Variants in AMPH observed in about 807,000 individuals in gnomAD.
The protein encoded by AMPH is amphiphysin (Stiff-Mann syndrome with breast cancer 128kD autoantigen).
A neutral mutation model predicts 99.1 loss-of-function variants in AMPH; 49 were observed. The observed-to-expected ratio is 0.49, with a 90% CI of 0.39 to 0.63. The LOEUF (loss-of-function observed/expected upper bound fraction) is 0.63. Among genes scored for constraint, AMPH ranks in the 20% least tolerant of loss-of-function variants. AMPH has a pLI of 0.00. For missense variants in AMPH, 759 were observed against 863.4 expected, an observed-to-expected ratio of 0.88 and a Z score of 1.52; for synonymous variants, 314 against 317.3, an observed-to-expected ratio of 0.99 and a Z score of 0.11.
intron 17 of AMPH, among the ~76,000 whole-genome samples, chr7:38,400,632 A>G (rs1302037521): frequency 1.3e-5 from 2 of 152,260 alleles, no homozygotes; most frequent in Non-Finnish European, 2.9e-5. Flanking sequence ...AACAAGGACC[A>G]AGACCCCCAA....
chr7:38,427,026 A>G (rs2128991041), intron 14 of AMPH, 40 bp from the exon 15 acceptor site: 2 of 1,586,294 alleles, frequency 1.3e-6, no homozygotes, highest in Non-Finnish European at 1.7e-6. Context: ...ATTATTTTTC[A>G]TTATCATTTT....
chr7:38,543,670 A>G (rs1241816638), intron 1 of AMPH, among the ~76,000 whole-genome samples: 1 of 152,134 alleles, frequency 6.6e-6, no homozygotes, highest in Non-Finnish European at 1.5e-5. Flanking sequence ...GAAGTAATTG[A>G]TCTCCGTCAT....
chr7:38,503,539 A>C, intron 3 of AMPH, 111 bp downstream of exon 3: 1 of 1,001,176 alleles, frequency 1.0e-6, no homozygotes, highest in South Asian at 1.4e-5. Flanking sequence ...TCAAGCATCC[A>C]TCTTGCCAGG....
intron 1 of AMPH, among the ~76,000 whole-genome samples, chr7:38,562,582 C>T (rs1482236136): frequency 6.6e-6 from 1 of 151,748 alleles, no homozygotes; most frequent in East Asian, 1.9e-4. Flanking sequence ...TGGTAAGACT[C>T]ACAGTCTCAG....
intron 11 of AMPH, among the ~76,000 whole-genome samples, chr7:38,445,633 A>ATAAG (rs1250729231): frequency 5.3e-5 from 8 of 152,254 alleles, no homozygotes; most frequent in African/African-American, 1.7e-4. Context: ...TGGGTGTTAA[A>ATAAG]TAAGTACATG....
At chr7:38,556,039 A>T (rs1284612477) in intron 1 of AMPH, among the ~76,000 whole-genome samples, 1 of 152,130 alleles carries the variant, frequency 6.6e-6, no homozygotes, top group Non-Finnish European at 1.5e-5. Context: ...TTGTACCCTA[A>T]ACCTCAGTAT....
intron 1 of AMPH, among the ~76,000 whole-genome samples, chr7:38,561,244 G>A (rs898267771): frequency 6.6e-6 from 1 of 152,162 alleles, no homozygotes; most frequent in Non-Finnish European, 1.5e-5. Context: ...AACGAACCAC[G>A]AAGTTCCCCT....
intron 2 of AMPH, among the ~76,000 whole-genome samples, chr7:38,515,954 G>A (rs1177698502): frequency 6.6e-6 from 1 of 152,014 alleles, no homozygotes; most frequent in African/African-American, 2.4e-5. Flanking sequence ...GGTATCTGGT[G>A]GAAGAAATTT....
At chr7:38,593,863 C>A (rs546033736) in intron 1 of AMPH, among the ~76,000 whole-genome samples, 3 of 152,060 alleles carry the variant, frequency 2.0e-5, no homozygotes. Context: ...GGAAGCTAGA[C>A]GGGAGAGAAA....
chr7:38,599,589 A>C (rs1427897323), intron 1 of AMPH, among the ~76,000 whole-genome samples: 1 of 152,190 alleles, frequency 6.6e-6, no homozygotes, highest in Non-Finnish European at 1.5e-5. Context: ...GGAGTCAAAA[A>C]TTACACGTAG....
At chr7:38,587,998 C>T (rs901075622) in intron 1 of AMPH, among the ~76,000 whole-genome samples, 33 of 151,604 alleles carry the variant, frequency 2.2e-4, no homozygotes, top group African/African-American at 8.0e-4. Context: ...TTCACCCAGG[C>T]TGCAATGCAG....
intron 15 of AMPH, among the ~76,000 whole-genome samples, chr7:38,422,882 A>G (rs924526612): frequency 3.3e-5 from 5 of 152,238 alleles, no homozygotes; most frequent in African/African-American, 1.2e-4. Flanking sequence ...GGCCTCCCAG[A>G]GTGCTAGGAT....
At chr7:38,438,386 C>T (rs1400541833) in intron 11 of AMPH, among the ~76,000 whole-genome samples, 1 of 152,096 alleles carries the variant, frequency 6.6e-6, no homozygotes, top group Non-Finnish European at 1.5e-5. Context: ...ATTGTCATGG[C>T]CCCCAGCTGC....
At chr7:38,429,307 G>A in intron 14 of AMPH, 1 of 1,287,716 alleles carries the variant, frequency 7.8e-7, no homozygotes, top group Non-Finnish European at 1.0e-6. Context: ...CCCGGGGCAT[G>A]CTCACTCTCT....
At chr7:38,470,929 A>T (rs17171377) in intron 7 of AMPH, among the ~76,000 whole-genome samples, 14,835 of 152,138 alleles carry the variant, frequency 0.098, 966 homozygotes, top group Middle Eastern at 0.2. Flanking sequence ...ATCGTTTTTT[A>T]AAATTTTTTC....
chr7:38,529,642 G>A (rs916572094), intron 2 of AMPH, among the ~76,000 whole-genome samples: 2 of 152,194 alleles, frequency 1.3e-5, no homozygotes, highest in Non-Finnish European at 2.9e-5. Context: ...GGGCAACTGA[G>A]GCTCTCCATA....
At chr7:38,411,369 C>T (rs912418257) in intron 17 of AMPH, among the ~76,000 whole-genome samples, 11 of 152,130 alleles carry the variant, frequency 7.2e-5, no homozygotes, top group African/African-American at 2.4e-4. Flanking sequence ...GCTTGAGCAC[C>T]GATGCTGGAA....
intron 1 of AMPH, among the ~76,000 whole-genome samples, chr7:38,539,155 C>G (rs1790718733): frequency 6.6e-6 from 1 of 152,074 alleles, no homozygotes; most frequent in Non-Finnish European, 1.5e-5. Context: ...TCATAGAAAC[C>G]AAAGGAGACA....
chr7:38,410,022 G>A (rs1785168552), intron 17 of AMPH, among the ~76,000 whole-genome samples: 1 of 152,214 alleles, frequency 6.6e-6, no homozygotes, highest in Non-Finnish European at 1.5e-5. Context: ...AGTTTTTGGA[G>A]CAGCCGCCGT....
Sources: allele counts gnomAD v4.1 joint callset (sites outside exome capture counted in the v4.1 genomes callset), GRCh38; gene constraint gnomAD v4.1.1; transcripts MANE v1.5; gene names NCBI Gene and HGNC (gene_info 2026-07-23, HGNC 2026-07-21).